The following MCF2L2 variants were observed in gnomAD, a reference collection of about 807,000 sequenced individuals.
MCF2L2 encodes probable guanine nucleotide exchange factor MCF2L2.
Under a neutral mutation model 150.2 loss-of-function variants are expected in MCF2L2, and 102 were observed. The ratio of observed to expected loss-of-function variants is 0.68; its 90% CI spans 0.58 to 0.80. The LOEUF (loss-of-function observed/expected upper bound fraction) is 0.80, where lower values mean the gene tolerates loss of function less well. Ranked by LOEUF, MCF2L2 falls within the 30% of genes least tolerant of loss-of-function variation. MCF2L2 has a pLI of 0.00. For missense variants in MCF2L2, 1,256 were observed against 1,372.8 expected, an observed-to-expected ratio of 0.91 and a Z score of 1.34; for synonymous variants, 465 against 491.3, an observed-to-expected ratio of 0.95 and a Z score of 0.71.
rs1351813557 is a variant in MCF2L2 at position 183,179,141 on chromosome 3, G to A, written c.*239C>T. 7.1e-6 allele frequency: 3 copies of A among 424,814 alleles called. No individual in the cohort carries two copies. The East Asian group carries it at 1.1e-4, about 15-fold the overall frequency. The allele number at this position is 424,814 out of a possible 1,614,324, so 26.3% of individuals were successfully genotyped here. A position where few individuals can be genotyped will look rare whatever the true frequency, so the allele number is the denominator to read the frequency against. Reference sequence around the variant, plus strand: ...GTGCGCGGTCGAGAAGGCGTGGGCTGCGGGCTCTGCTCGCCTCTGCAGGCG... The same window carrying A: ...GTGCGCGGTCGAGAAGGCGTGGGCTACGGGCTCTGCTCGCCTCTGCAGGCG... On this transcript the variant is annotated 3_prime_UTR_variant, in exon 30 of 30. Coordinates refer to ENST00000328913, the MANE Select transcript of MCF2L2 (RefSeq NM_015078.4). The surrounding 1 kb of genome is among the most constrained non-coding windows in gnomAD (Gnocchi z 4.2).
Position 183,282,324 on chromosome 3 carries a change from A to G in MCF2L2, c.1777-5367T>C, listed in dbSNP as rs374436521. ...CTCCCGAGTAGCTGGGACTACAGGC[A>G]CCCGCCACCACGCCCAGCTAATTTT... On this transcript the variant is annotated intron_variant, in intron 14 of 29. Coordinates refer to ENST00000328913, the MANE Select transcript of MCF2L2 (RefSeq NM_015078.4). Among the ~76,000 whole-genome samples, 309 of 151,736 alleles carry G rather than the reference A, an allele frequency of 2.0e-3. 8 individuals are homozygous for G. In the East Asian group the frequency reaches 0.038, roughly 19 times the overall value.
chr3:183,391,621 G>C (rs977399099), intron 1 of MCF2L2, among the ~76,000 whole-genome samples: 1 of 152,274 alleles, frequency 6.6e-6, no homozygotes, highest in Non-Finnish European at 1.5e-5. Context: ...TGGAAGTGGG[G>C]GGTAGATGAA....
intron 1 of MCF2L2, among the ~76,000 whole-genome samples, chr3:183,424,495 C>A (rs1302170980): frequency 6.6e-6 from 1 of 152,194 alleles, no homozygotes; most frequent in Non-Finnish European, 1.5e-5. Context: ...ATCTATTCAG[C>A]AAACATTTAT....
chr3:183,369,384 T>C (rs576647011), intron 3 of MCF2L2, among the ~76,000 whole-genome samples: 104 of 152,322 alleles, frequency 6.8e-4, no homozygotes, highest in African/African-American at 2.4e-3. Context: ...GGCCAGTCTA[T>C]GGAGAATGTG....
At chr3:183,370,824 A>T (rs1712830479) in intron 3 of MCF2L2, among the ~76,000 whole-genome samples, 1 of 152,100 alleles carries the variant, frequency 6.6e-6, no homozygotes, top group Non-Finnish European at 1.5e-5. Context: ...CTCTTAATAA[A>T]ACCAAGGAGT....
chr3:183,395,371 GAT>G (rs1384533616), intron 1 of MCF2L2, among the ~76,000 whole-genome samples: 2 of 152,168 alleles, frequency 1.3e-5, no homozygotes, highest in African/African-American at 4.8e-5. Context: ...CCAAGCGTGT[GAT>G]ATGTTTATGC....
intron 14 of MCF2L2, among the ~76,000 whole-genome samples, chr3:183,281,871 T>A (rs1295126263): frequency 6.7e-6 from 1 of 149,616 alleles, no homozygotes; most frequent in Non-Finnish European, 1.5e-5. Context: ...CAATTTTGCC[T>A]ATTTCAAAAT....
intron 6 of MCF2L2, 62 bp from the exon 7 acceptor site, chr3:183,318,279 A>C: frequency 6.5e-7 from 1 of 1,549,630 alleles, no homozygotes; most frequent in South Asian, 1.1e-5. Flanking sequence ...TGCTGTCTTG[A>C]TGGAAAGACA....
chr3:183,335,051 G>C (rs925427395), intron 5 of MCF2L2, among the ~76,000 whole-genome samples: 1 of 151,572 alleles, frequency 6.6e-6, no homozygotes, highest in Non-Finnish European at 1.5e-5. Context: ...CCAGGAGATG[G>C]AGGCTGCAGT....
intron 3 of MCF2L2, among the ~76,000 whole-genome samples, chr3:183,357,650 G>C (rs752740672): frequency 3.3e-5 from 5 of 152,138 alleles, no homozygotes; most frequent in Non-Finnish European, 4.4e-5. Flanking sequence ...TTCAGCTGCA[G>C]TGTATCTTTT....
chr3:183,335,779 A>T (rs1196004646), intron 5 of MCF2L2, among the ~76,000 whole-genome samples: 1 of 152,158 alleles, frequency 6.6e-6, no homozygotes, highest in Non-Finnish European at 1.5e-5. Flanking sequence ...TGATCGCTCA[A>T]GCCCAGAAGT....
intron 1 of MCF2L2, among the ~76,000 whole-genome samples, chr3:183,402,882 A>AT (rs150467210): frequency 2.3e-4 from 35 of 151,334 alleles, no homozygotes; most frequent in South Asian, 8.3e-4. Context: ...ATATATATAT[A>AT]CGAAATTTAA....
intron 1 of MCF2L2, among the ~76,000 whole-genome samples, chr3:183,416,821 G>C (rs926032874): frequency 1.3e-5 from 2 of 152,050 alleles, no homozygotes; most frequent in African/African-American, 4.8e-5. Context: ...AAGTAATTTA[G>C]AGATCAGGCT....
chr3:183,343,562 G>T (rs1440040486), intron 3 of MCF2L2, among the ~76,000 whole-genome samples: 1 of 151,940 alleles, frequency 6.6e-6, no homozygotes, highest in African/African-American at 2.4e-5. Context: ...GCAGAGACAG[G>T]TTTCACCATG....
intron 1 of MCF2L2, among the ~76,000 whole-genome samples, chr3:183,397,502 A>C (rs1714529743): frequency 6.6e-6 from 1 of 152,210 alleles, no homozygotes; most frequent in Admixed American, 6.5e-5. Context: ...CCACTTTCTA[A>C]TACCATCACC....
chr3:183,303,503 G>C (rs988951125), intron 10 of MCF2L2, among the ~76,000 whole-genome samples: 1 of 152,142 alleles, frequency 6.6e-6, no homozygotes, highest in African/African-American at 2.4e-5. Context: ...GTAACTCCAG[G>C]TGCGTACATC....
At chr3:183,367,472 C>A (rs1462559424) in intron 3 of MCF2L2, among the ~76,000 whole-genome samples, 2 of 152,086 alleles carry the variant, frequency 1.3e-5, no homozygotes, top group Non-Finnish European at 2.9e-5. Context: ...TCAGGTGATC[C>A]ACCCACCTCA....
chr3:183,311,587 C>A, intron 8 of MCF2L2, 61 bp downstream of exon 8: 1 of 1,596,258 alleles, frequency 6.3e-7, no homozygotes, highest in South Asian at 1.1e-5. Flanking sequence ...CTTGGTTGCT[C>A]CAGAACATCT....
intron 25 of MCF2L2, among the ~76,000 whole-genome samples, chr3:183,203,082 G>A (rs547141526): frequency 1.2e-4 from 18 of 152,004 alleles, no homozygotes; most frequent in Non-Finnish European, 2.1e-4. Flanking sequence ...GCATGGTGGC[G>A]TGCACCTGTA....
Sources: gnomAD v4.1 joint callset for allele counts (sites outside exome capture counted in the v4.1 genomes callset) on GRCh38, gnomAD v4.1.1 for gene constraint, Gnocchi (gnomAD v3.1) non-coding constraint, MANE v1.5 for transcripts, NCBI Gene and HGNC (gene_info 2026-07-23, HGNC 2026-07-21) for gene names.